The following AMPH variants were observed in gnomAD, a reference collection of about 807,000 sequenced individuals.
The protein encoded by AMPH is amphiphysin.
In AMPH, 49 loss-of-function variants were observed where a neutral mutation model predicts 99.1. The ratio of observed to expected loss-of-function variants is 0.49; its 90% confidence interval spans 0.39 to 0.63. The LOEUF is 0.63. AMPH is among the 20% of genes least tolerant of loss of function. The pLI, the probability that AMPH is intolerant of heterozygous loss-of-function variation, is 0.00. For synonymous variants in AMPH, 314 were observed against 317.3 expected (o/e 0.99, Z 0.11); for missense variants, 759 against 863.4 (o/e 0.88, Z 1.52).
intron 2 of AMPH, among the ~76,000 whole-genome samples, chr7:38,525,677 C>A (rs1790161555): frequency 6.6e-6 from 1 of 152,120 alleles, no homozygotes; most frequent in Non-Finnish European, 1.5e-5. Context: ...CCGAAAGAGT[C>A]ACATAAGTGG....
At chr7:38,431,027 G>C (rs1785999649) in intron 13 of AMPH, among the ~76,000 whole-genome samples, 1 of 152,164 alleles carries the variant, frequency 6.6e-6, no homozygotes, top group Admixed American at 6.5e-5. Flanking sequence ...GAGTTCTTAA[G>C]ACCACATCAC....
intron 1 of AMPH, among the ~76,000 whole-genome samples, chr7:38,562,632 G>T (rs1008062913): frequency 4.5e-4 from 68 of 151,666 alleles, no homozygotes; most frequent in African/African-American, 1.6e-3. Flanking sequence ...AATACTCAAA[G>T]GAATCATGAT....
At position 38,428,863 on chromosome 7, in the gene AMPH, C is replaced by A. The variant is rs2267808; in HGVS notation, c.1182+979G>T. ...GTTTTCTCAAAATAATTTTCATTGGCGTTTGTACTTTCCTTATACCCTGCT... is the reference window on the plus strand; with the variant it reads ...GTTTTCTCAAAATAATTTTCATTGGAGTTTGTACTTTCCTTATACCCTGCT... On this transcript the variant is annotated intron_variant, in intron 14 of 20. Coordinates refer to ENST00000356264, the MANE Select transcript of AMPH (RefSeq NM_001635.4). The A allele has an allele frequency of 7.3e-6, 4 of 549,184 alleles. No individual in the cohort carries two copies. The Admixed American group carries it at 9.4e-5, about 13-fold the overall frequency. The allele number at this position is 549,184 out of a possible 1,614,324, so 34.0% of individuals were successfully genotyped here. A position where few individuals can be genotyped will look rare whatever the true frequency, so the allele number is the denominator to read the frequency against.
intron 1 of AMPH, among the ~76,000 whole-genome samples, chr7:38,610,393 GA>G (rs1245238993): frequency 7.8e-6 from 1 of 128,266 alleles, no homozygotes; most frequent in African/African-American, 3.2e-5. Context: ...GAAAAGAAAA[GA>G]AAAGAAAAGA....
chr7:38,502,341 C>T (rs1214408840), intron 3 of AMPH, among the ~76,000 whole-genome samples: 5 of 152,142 alleles, frequency 3.3e-5, no homozygotes. Flanking sequence ...ATAGCAGACA[C>T]ACCTGACAGT....
At chr7:38,537,707 T>C (rs1790666189) in intron 1 of AMPH, among the ~76,000 whole-genome samples, 1 of 152,230 alleles carries the variant, frequency 6.6e-6, no homozygotes. Context: ...CAAAGTGATG[T>C]TGCTGCCAAA....
At chr7:38,420,833 C>T (rs1785557013) in intron 16 of AMPH, 6 of 399,346 alleles carry the variant, frequency 1.5e-5, no homozygotes, top group South Asian at 1.1e-4. Flanking sequence ...GGGTTTAAAC[C>T]TGTACTCAAA....
At chr7:38,629,327 T>C (rs1794373215) in intron 1 of AMPH, among the ~76,000 whole-genome samples, 1 of 152,140 alleles carries the variant, frequency 6.6e-6, no homozygotes, top group Admixed American at 6.5e-5. Context: ...CTCTTAGTGT[T>C]TGAACCTCTA....
At chr7:38,403,916 T>A (rs986400645) in intron 17 of AMPH, among the ~76,000 whole-genome samples, 5 of 152,212 alleles carry the variant, frequency 3.3e-5, no homozygotes, top group African/African-American at 1.2e-4. Flanking sequence ...AGTGAGCCTA[T>A]GCCATTTGGG....
chr7:38,602,335 G>A (rs148734419), intron 1 of AMPH, among the ~76,000 whole-genome samples: 86 of 152,300 alleles, frequency 5.6e-4, no homozygotes, highest in African/African-American at 2.0e-3. Flanking sequence ...AAACTTTGTG[G>A]CTGGAAACAA....
At chr7:38,456,114 G>T (rs1451240511) in intron 11 of AMPH, among the ~76,000 whole-genome samples, 1 of 152,168 alleles carries the variant, frequency 6.6e-6, no homozygotes, top group Admixed American at 6.5e-5. Context: ...CAAGGCTGAT[G>T]CTACTGCTGC....
intron 1 of AMPH, among the ~76,000 whole-genome samples, chr7:38,559,018 A>G (rs1203643460): frequency 6.6e-6 from 1 of 152,252 alleles, no homozygotes; most frequent in South Asian, 2.1e-4. Context: ...TCTGAATCCA[A>G]GAACAGTTCA....
chr7:38,403,392 TCTGAGAACTTC>T (rs1345913945), intron 17 of AMPH, among the ~76,000 whole-genome samples: 1 of 152,132 alleles, frequency 6.6e-6, no homozygotes, highest in East Asian at 1.9e-4. Context: ...TTGGTGGCAA[TCTGAGAACTTC>T]CTGAGGACAG....
chr7:38,580,336 C>T (rs1792399888), intron 1 of AMPH, among the ~76,000 whole-genome samples: 1 of 152,140 alleles, frequency 6.6e-6, no homozygotes, highest in South Asian at 2.1e-4. Context: ...TCTTTATCTC[C>T]TTATTAGGGG....
At chr7:38,521,310 T>G (rs1789948563) in intron 2 of AMPH, among the ~76,000 whole-genome samples, 1 of 152,060 alleles carries the variant, frequency 6.6e-6, no homozygotes, top group African/African-American at 2.4e-5. Flanking sequence ...TCAGTTAAGG[T>G]CAGAGGTTCG....
At chr7:38,464,309 C>A (rs1221020976) in intron 9 of AMPH, among the ~76,000 whole-genome samples, 1 of 152,128 alleles carries the variant, frequency 6.6e-6, no homozygotes, top group Admixed American at 6.5e-5. Flanking sequence ...CCAATTCTTC[C>A]TTCGTGCCTA....
chr7:38,609,233 G>A (rs1384801023), intron 1 of AMPH, among the ~76,000 whole-genome samples: 1 of 152,156 alleles, frequency 6.6e-6, no homozygotes, highest in East Asian at 1.9e-4. Flanking sequence ...GAATATGCAC[G>A]CAGCACACAG....
chr7:38,464,802 C>G (rs1387483393), intron 9 of AMPH, among the ~76,000 whole-genome samples: 2 of 152,170 alleles, frequency 1.3e-5, no homozygotes, highest in Non-Finnish European at 1.5e-5. Context: ...CCTTCAATCT[C>G]TGAGTACGTA....
At position 38,534,966 on chromosome 7, in the gene AMPH, A is replaced by G; in HGVS notation, c.115T>C (p.Phe39Leu). ...TTGAAGTTCTGGACATATTCTTCGA[A>G]CTGTTCGTCTTTTGTCTCATCAGCT... ...GKADETKDEQ[F>L]EEYVQNFKRQ... Residue 39 changes from phenylalanine (F) to leucine (L), a missense_variant, in exon 2 of 21, where the codon TTC becomes CTC. Around this residue, in one of 2 missense-constraint regions of AMPH, gnomAD observed 205 missense variants for 287.9 expected, o/e 0.71. Coordinates refer to ENST00000356264, the MANE Select transcript of AMPH (RefSeq NM_001635.4). 6.2e-7 allele frequency: 1 copy of G among 1,614,084 alleles called. No individual in the cohort carries two copies. The highest frequency in any genetic ancestry group is 8.5e-7 in the Non-Finnish European group (1 of 1,179,994).
Sources: allele counts gnomAD v4.1 joint callset (sites outside exome capture counted in the v4.1 genomes callset), GRCh38; gene constraint gnomAD v4.1.1; regional missense constraint gnomAD v4.1.1; transcripts MANE v1.5; gene names NCBI Gene and HGNC (gene_info 2026-07-23, HGNC 2026-07-21).